The following CCSER1 variants were observed in gnomAD, a reference collection of about 807,000 sequenced individuals.
CCSER1 encodes the protein coiled-coil serine rich protein 1, also known as serine-rich coiled-coil domain-containing protein 1.
Under a neutral mutation model 82.0 loss-of-function variants are expected in CCSER1, and 41 were observed. The ratio of observed to expected loss-of-function variants is 0.50; its 90% CI spans 0.39 to 0.65. The LOEUF is 0.65. Among genes scored for constraint, CCSER1 ranks in the 30% least tolerant of loss-of-function variants. The probability of loss-of-function intolerance (pLI) is 0.00; values close to 1 mark genes in which losing one functional copy is unlikely to be tolerated. For missense variants in CCSER1, 1,119 were observed against 1,064.2 expected (o/e 1.05, Z -0.72); for synonymous variants, 414 against 383.9 (o/e 1.08, Z -0.92).
chr4:90,664,609 G>T (rs1021466930), intron 6 of CCSER1, among the ~76,000 whole-genome samples: 1 of 152,098 alleles, frequency 6.6e-6, no homozygotes, highest in Non-Finnish European at 1.5e-5. Context: ...TTTAGAAATA[G>T]AAACTAATTG....
chr4:91,524,757 T>C (rs182230733), intron 10 of CCSER1, among the ~76,000 whole-genome samples: 1 of 152,296 alleles, frequency 6.6e-6, no homozygotes, highest in East Asian at 1.9e-4. Context: ...CCCACTTGTA[T>C]TCCATCACTA....
At chr4:90,572,252 G>T (rs777965331) in intron 5 of CCSER1, among the ~76,000 whole-genome samples, 38 of 152,198 alleles carry the variant, frequency 2.5e-4, no homozygotes, top group Non-Finnish European at 4.6e-4. Context: ...CTTATATGTT[G>T]TCTCTTTTAT....
chr4:90,476,046 A>G (rs140534471), intron 5 of CCSER1, among the ~76,000 whole-genome samples: 48 of 100,868 alleles, frequency 4.8e-4, no homozygotes, highest in Middle Eastern at 5.8e-3. Context: ...GTGTGTGTGT[A>G]TGTGTGTGTG....
chr4:91,043,396 T>A (rs1233692856), intron 9 of CCSER1, among the ~76,000 whole-genome samples: 1 of 151,932 alleles, frequency 6.6e-6, no homozygotes, highest in Non-Finnish European at 1.5e-5. Flanking sequence ...CAGAATATAA[T>A]CCAGCAGGGT....
intron 8 of CCSER1, among the ~76,000 whole-genome samples, chr4:90,884,390 G>A (rs1019152091): frequency 1.3e-5 from 2 of 151,988 alleles, no homozygotes; most frequent in African/African-American, 2.4e-5. Context: ...ATACACACAC[G>A]CACATACACA....
At chr4:90,706,272 A>T (rs1428808049) in intron 6 of CCSER1, among the ~76,000 whole-genome samples, 1 of 152,178 alleles carries the variant, frequency 6.6e-6, no homozygotes, top group Non-Finnish European at 1.5e-5. Context: ...CACATGGTGA[A>T]TTAAATTATT....
chr4:90,326,120 G>A (rs181461824), intron 3 of CCSER1, among the ~76,000 whole-genome samples: 2 of 145,434 alleles, frequency 1.4e-5, no homozygotes, highest in Admixed American at 7.1e-5. Flanking sequence ...GTGCAGTGGC[G>A]CAATCTCGGC....
intron 1 of CCSER1, among the ~76,000 whole-genome samples, chr4:90,235,950 A>G (rs1000730173): frequency 1.3e-5 from 2 of 151,392 alleles, no homozygotes; most frequent in African/African-American, 4.9e-5. Flanking sequence ...AAAATAAGTA[A>G]TTTTTTTTTG....
rs890442448 is a variant in CCSER1 at position 91,082,493 on chromosome 4, G to C, written c.2173-3457G>C. On this transcript the variant is annotated intron_variant, in intron 9 of 10. Transcript: ENST00000509176. ...CCTAGGCAATACCATTCAGGCCATA[G>C]GCATGAGCAAGGACTTTGTGACTAA... 8.3e-4 allele frequency among the ~76,000 whole-genome samples: 126 copies of C among 152,312 alleles called. 2 individuals carry two copies. Among genetic ancestry groups the C allele is most frequent in the African/African-American group, 2.9e-3 (120 of 41,558 alleles).
intron 4 of CCSER1, among the ~76,000 whole-genome samples, chr4:90,454,228 G>GTTTTTTT (rs576058533): frequency 7.8e-6 from 1 of 128,848 alleles, no homozygotes; most frequent in Non-Finnish European, 1.7e-5. Flanking sequence ...TTTGTTTCAT[G>GTTTTTTT]TTTTTTTTTT....
chr4:90,170,343 TG>T (rs1050632068), intron 1 of CCSER1, among the ~76,000 whole-genome samples: 3 of 151,970 alleles, frequency 2.0e-5, no homozygotes, highest in African/African-American at 7.2e-5. Context: ...TTACTGTTTT[TG>T]TTAAAGGAAC....
intron 6 of CCSER1, among the ~76,000 whole-genome samples, chr4:90,656,509 C>T (rs1729732707): frequency 6.6e-6 from 1 of 151,296 alleles, no homozygotes; most frequent in Non-Finnish European, 1.5e-5. Flanking sequence ...ATCTATTTTC[C>T]ATTCTTTTAT....
intron 7 of CCSER1, among the ~76,000 whole-genome samples, chr4:90,783,889 T>A (rs1041889206): frequency 6.6e-6 from 1 of 152,134 alleles, no homozygotes; most frequent in African/African-American, 2.4e-5. Flanking sequence ...CCTCCCCAAC[T>A]TTTTAACACC....
At chr4:91,181,697 A>G (rs189342003) in intron 10 of CCSER1, among the ~76,000 whole-genome samples, 120 of 152,326 alleles carry the variant, frequency 7.9e-4, no homozygotes, top group Middle Eastern at 3.4e-3. Context: ...TAATGATTCC[A>G]TAGGAATTGT....
chr4:90,477,098 T>C (rs1173628488), intron 5 of CCSER1, among the ~76,000 whole-genome samples: 2 of 152,146 alleles, frequency 1.3e-5, no homozygotes, highest in African/African-American at 4.8e-5. Flanking sequence ...CCTCATCCCA[T>C]GAAAAAAATC....
At chr4:90,329,950 A>G (rs1472860244) in intron 3 of CCSER1, among the ~76,000 whole-genome samples, 1 of 152,156 alleles carries the variant, frequency 6.6e-6, no homozygotes, top group Non-Finnish European at 1.5e-5. Flanking sequence ...CTAATTTTAA[A>G]GTATCTTTTG....
intron 3 of CCSER1, among the ~76,000 whole-genome samples, chr4:90,387,157 C>A (rs1163385781): frequency 6.6e-6 from 1 of 151,988 alleles, no homozygotes; most frequent in African/African-American, 2.4e-5. Context: ...TAGACATATA[C>A]AAACATTTTG....
intron 10 of CCSER1, among the ~76,000 whole-genome samples, chr4:91,220,608 G>T (rs1261004703): frequency 1.3e-5 from 2 of 152,110 alleles, no homozygotes; most frequent in Non-Finnish European, 2.9e-5. Context: ...GTAGTTTACT[G>T]TTCAGTGAGC....
At chr4:91,201,450 A>G (rs1247489576) in intron 10 of CCSER1, among the ~76,000 whole-genome samples, 2 of 152,122 alleles carry the variant, frequency 1.3e-5, no homozygotes, top group Non-Finnish European at 1.5e-5. Context: ...CACACAACCT[A>G]CAACTATTTC....
Sources: gnomAD v4.1 joint callset for allele counts (sites outside exome capture counted in the v4.1 genomes callset) on GRCh38, gnomAD v4.1.1 for gene constraint, MANE v1.5 for transcripts, NCBI Gene and HGNC (gene_info 2026-07-23, HGNC 2026-07-21) for gene names.